Variants in IGSF10 observed in about 807,000 individuals in gnomAD.
IGSF10 encodes calvaria mechanical force protein 608.
Under a neutral mutation model 128.2 loss-of-function variants are expected in IGSF10, and 126 were observed. The ratio of observed to expected loss-of-function variants is 0.98; its 90% CI spans 0.85 to 1.14. The LOEUF is 1.14. IGSF10 is among the 50% of genes most tolerant of loss of function. IGSF10 has a pLI of 0.00. For synonymous variants in IGSF10, 1,185 were observed against 1,146.2 expected (o/e 1.03, Z -0.68); for missense variants, 3,295 against 3,149.8 (o/e 1.05, Z -1.10).
the IGSF10 span, among the ~76,000 whole-genome samples, chr3:151,497,135 T>C: frequency 3.3e-4 from 50 of 152,086 alleles, no homozygotes; most frequent in Non-Finnish European, 6.9e-4. Context: ...TGCCTGTTCA[T>C]TCTGATGGTA....
chr3:151,617,698 C>T, the IGSF10 span, among the ~76,000 whole-genome samples: 1 of 152,102 alleles, frequency 6.6e-6, no homozygotes, highest in African/African-American at 2.4e-5. Context: ...GGGCCAGGAG[C>T]AAAGTGTTAT....
At chr3:151,463,530 T>TTTTTTTG (rs1722148232), upstream of IGSF10, among the ~76,000 whole-genome samples, 4 of 60,272 alleles carry the variant, frequency 6.6e-5, no homozygotes, top group Non-Finnish European at 9.1e-5. Context: ...CTGGTTTTTT[T>TTTTTTTG]TTTTTTTTTT....
chr3:151,442,597 C>T (rs987667262), intron 7 of IGSF10, among the ~76,000 whole-genome samples: 1 of 143,106 alleles, frequency 7.0e-6, no homozygotes, highest in Non-Finnish European at 1.5e-5. Flanking sequence ...CCATGTTGGC[C>T]GAGCTGGTCC....
At position 151,437,359 on chromosome 3, in the gene IGSF10, G is replaced by T; in HGVS notation, c.7202C>A (p.Thr2401Lys). Residue 2401 changes from threonine to lysine, a missense_variant, in exon 8 of 8, where the codon ACA becomes AAA. Physicochemically the swap from Thr to Lys is moderately conservative, Grantham distance 78. Transcript: ENST00000282466. ...ATATTTTCCTGCATCCTCCCGAGTT[G>T]TTTTAGAAATGATAAAAGAACCATT... ...ASNGSFIISK[T>K]TREDAGKYRC... 1.2e-6 allele frequency: 2 copies of T among 1,614,124 alleles called. No individual in the cohort carries two copies. Among genetic ancestry groups the T allele is most frequent in the Non-Finnish European group, 1.7e-6 (2 of 1,180,014 alleles).
chr3:151,536,719 T>G, the IGSF10 span, among the ~76,000 whole-genome samples: 1 of 152,226 alleles, frequency 6.6e-6, no homozygotes, highest in African/African-American at 2.4e-5. Flanking sequence ...GATTTTGTTT[T>G]CTCTTTACTT....
chr3:151,553,924 G>A, the IGSF10 span, among the ~76,000 whole-genome samples: 1 of 151,366 alleles, frequency 6.6e-6, no homozygotes, highest in Non-Finnish European at 1.5e-5. Flanking sequence ...GATCAGCTTG[G>A]GTAACAAGCT....
chr3:151,524,699 A>G, the IGSF10 span, among the ~76,000 whole-genome samples: 1 of 152,188 alleles, frequency 6.6e-6, no homozygotes, highest in Non-Finnish European at 1.5e-5. Flanking sequence ...TACCTGGGTG[A>G]TGATTTGTAC....
At chr3:151,518,564 G>A in the IGSF10 span, among the ~76,000 whole-genome samples, 1 of 151,986 alleles carries the variant, frequency 6.6e-6, no homozygotes, top group African/African-American at 2.4e-5. Flanking sequence ...ATGCAGTAAT[G>A]CAGTACACAT....
At chr3:151,497,249 C>T in the IGSF10 span, among the ~76,000 whole-genome samples, 1 of 152,144 alleles carries the variant, frequency 6.6e-6, no homozygotes, top group African/African-American at 2.4e-5. Flanking sequence ...AAGTCCTAGC[C>T]CATGCCTATG....
the IGSF10 span, among the ~76,000 whole-genome samples, chr3:151,494,332 A>G: frequency 6.7e-6 from 1 of 150,078 alleles, no homozygotes; most frequent in Non-Finnish European, 1.5e-5. Context: ...ATTTTCTATT[A>G]AGTTAGGAAG....
intron 1 of IGSF10, among the ~76,000 whole-genome samples, 172 bp downstream of exon 1, chr3:151,460,774 G>A (rs1451493170): frequency 6.6e-6 from 1 of 150,852 alleles, no homozygotes; most frequent in Non-Finnish European, 1.5e-5. Context: ...AAGAATTGTC[G>A]TGTGCTTTCA....
chr3:151,454,458 G>T (rs748657936), intron 4 of IGSF10, among the ~76,000 whole-genome samples: 2 of 152,090 alleles, frequency 1.3e-5, no homozygotes, highest in African/African-American at 4.8e-5. Flanking sequence ...TGAATGGAGC[G>T]GAGAATAGTG....
Position 151,445,808 on chromosome 3 carries a change from A to C in IGSF10, c.4173T>G (p.Ser1391=). 2 of 1,614,230 alleles carry C rather than the reference A, an allele frequency of 1.2e-6. No individual in the cohort carries two copies. Among genetic ancestry groups the C allele is most frequent in the Non-Finnish European group, 1.7e-6 (2 of 1,180,032 alleles). Residue 1391 remains serine (S), a synonymous_variant, in exon 6 of 8, where the codon TCT becomes TCG. Transcript: ENST00000282466. ...TAETSVKPSV[S]AFTHSPPENT... ...TTTCTGGTGGGGAATGAGTGAATGC[A>C]GAGACACTGGGCTTGACTGAAGTTT...
At chr3:151,538,103 G>T in the IGSF10 span, among the ~76,000 whole-genome samples, 1,811 of 152,224 alleles carry the variant, frequency 0.012, 91 homozygotes, top group East Asian at 0.17. Flanking sequence ...CAAACTTCAC[G>T]TTTAGTTAAG....
Position 151,445,777 on chromosome 3 carries a change from TTG to T in IGSF10, c.4202_4203del (p.Thr1401AsnfsTer15). 1 of 1,614,218 alleles carries T rather than the reference TTG, an allele frequency of 6.2e-7. No homozygotes were observed. Among genetic ancestry groups the T allele is most frequent in the South Asian group, 1.1e-5 (1 of 91,086 alleles). ...SAFTHSPPENTTGISSTISFH... is the reference protein window; with the variant it reads ...SAFTHSPPENXTGISSTISFH... ...AAACTGATTGTGCTTGAAATCCCAG[TTG>T]TGTTTTCTGGTGGGGAATGAGTGAA... On this transcript the variant is annotated frameshift_variant, in exon 6 of 8. Coordinates refer to ENST00000282466, the MANE Select transcript of IGSF10 (RefSeq NM_178822.5). LOFTEE classifies it high-confidence loss of function.
the IGSF10 span, among the ~76,000 whole-genome samples, chr3:151,507,200 G>A: frequency 6.6e-6 from 1 of 152,020 alleles, no homozygotes; most frequent in Non-Finnish European, 1.5e-5. Flanking sequence ...TTTTGAGAGG[G>A]GTTGGATCCT....
the IGSF10 span, among the ~76,000 whole-genome samples, chr3:151,611,099 A>G: frequency 6.6e-6 from 1 of 152,184 alleles, no homozygotes; most frequent in Non-Finnish European, 1.5e-5. Flanking sequence ...AAAATATTAA[A>G]TGATTGTTGT....
the IGSF10 span, among the ~76,000 whole-genome samples, chr3:151,509,569 T>C: frequency 6.6e-6 from 1 of 152,094 alleles, no homozygotes; most frequent in Non-Finnish European, 1.5e-5. Flanking sequence ...AGACGGGTGA[T>C]TTCTGCATTT....
chr3:151,502,951 C>T, the IGSF10 span, among the ~76,000 whole-genome samples: 3 of 151,974 alleles, frequency 2.0e-5, no homozygotes, highest in African/African-American at 7.2e-5. Flanking sequence ...ATTAAAGGGC[C>T]TTCTCTACTT....
Sources: gnomAD v4.1 joint callset for allele counts (sites outside exome capture counted in the v4.1 genomes callset) on GRCh38, gnomAD v4.1.1 for gene constraint, MANE v1.5 for transcripts, NCBI Gene and HGNC (gene_info 2026-07-23, HGNC 2026-07-21) for gene names.